Variants in P2RX4 observed in about 807,000 individuals in gnomAD.
P2RX4 encodes the protein P2X purinoceptor 4.
In P2RX4, 37 loss-of-function variants were observed where a neutral mutation model predicts 48.0. The observed-to-expected ratio is 0.77, with a 90% CI of 0.59 to 1.01. P2RX4 has a LOEUF of 1.01. P2RX4 is among the 50% of genes least tolerant of loss of function. The probability of loss-of-function intolerance (pLI) is 0.00; values close to 1 mark genes in which losing one functional copy is unlikely to be tolerated. For missense variants in P2RX4, 501 were observed against 521.4 expected (o/e 0.96, Z 0.38); for synonymous variants, 200 against 199.7 (o/e 1.00, Z -0.01).
Position 121,222,956 on chromosome 12 carries a change from C to T in P2RX4, c.437C>T (p.Thr146Ile). 2.5e-6 allele frequency: 4 copies of T among 1,611,956 alleles called. No homozygotes were observed. Among genetic ancestry groups the T allele is most frequent in the East Asian group, 2.2e-5 (1 of 44,876 alleles). The stretch of plus-strand genomic sequence containing the variant: ...ACCCTTGTGCTTGTAGGAGTCTCAA[C>T]AGGCAGGTGCGTAGCTTTCAACGGG... ...SAGTHSNGVS[T>I]GRCVAFNGSV... The change falls in exon 5 of 12, where the codon ACA becomes ATA. Residue 146 changes from threonine to isoleucine, a missense_variant. Thr to Ile is a moderately conservative substitution (Grantham distance 89). This residue lies in a region of P2RX4 where 295 missense variants were observed against 275.3 expected (regional missense o/e 1.07). Coordinates refer to ENST00000337233, the MANE Select transcript of P2RX4 (RefSeq NM_002560.3).
intron 1 of P2RX4, chr12:121,213,219 G>A (rs1886004563): frequency 6.6e-6 from 1 of 152,144 alleles, no homozygotes; most frequent in Non-Finnish European, 1.5e-5. Flanking sequence ...TTGAGCTCAA[G>A]AGTTTGAGAC....
At chr12:121,223,758 C>T (rs1886801524) in intron 5 of P2RX4, among the ~76,000 whole-genome samples, 1 of 152,188 alleles carries the variant, frequency 6.6e-6, no homozygotes, top group Non-Finnish European at 1.5e-5. Context: ...TCCAGCGTGG[C>T]CAGGAGAATC....
chr12:121,212,110 ATTGTTTAAAAGTAACAGATCCCCCCGTC>A (rs1326166509), intron 1 of P2RX4, among the ~76,000 whole-genome samples: 9 of 152,350 alleles, frequency 5.9e-5, no homozygotes. Context: ...CATCTGAGGA[ATTGTTTAAAAGTAACAGATCCCCCCGTC>A]TTTGGGGTGA....
At chr12:121,225,714 A>G (rs1325011542) in intron 5 of P2RX4, among the ~76,000 whole-genome samples, 1 of 152,014 alleles carries the variant, frequency 6.6e-6, no homozygotes, top group Non-Finnish European at 1.5e-5. Context: ...CCCGGCCCTG[A>G]ATATTTATTA....
intron 2 of P2RX4, among the ~76,000 whole-genome samples, chr12:121,219,611 G>A (rs531075201): frequency 3.3e-5 from 4 of 122,856 alleles, no homozygotes; most frequent in African/African-American, 1.2e-4. Flanking sequence ...ATGGATGGAT[G>A]GATGGATAGA....
At chr12:121,223,423 C>A in intron 5 of P2RX4, 1 of 298,110 alleles carries the variant, frequency 3.4e-6, no homozygotes. Context: ...TGCGTGTCAG[C>A]CTTGAACAGA....
chr12:121,219,698 AAG>A (rs1438260528), intron 2 of P2RX4, among the ~76,000 whole-genome samples: 1 of 152,032 alleles, frequency 6.6e-6, no homozygotes, highest in Non-Finnish European at 1.5e-5. Context: ...GGATAGGAGA[AAG>A]AAAGGGAAAG....
chr12:121,224,730 G>A (rs1056577300), intron 5 of P2RX4, among the ~76,000 whole-genome samples: 11 of 151,908 alleles, frequency 7.2e-5, no homozygotes, highest in Admixed American at 1.3e-4. Context: ...GGTGGAGTCC[G>A]GGCAGCGCTC....
At position 121,210,225 on chromosome 12, in the gene P2RX4, G is replaced by A. The variant is rs1028982917; in HGVS notation, c.61G>A (p.Val21Met). The change falls in exon 1 of 12, where the codon GTG (valine) becomes ATG (methionine). Residue 21 changes from valine (V) to methionine (M), a missense_variant. Around this residue, in one of 3 missense-constraint regions of P2RX4, gnomAD observed 295 missense variants for 275.3 expected, o/e 1.07. Transcript: ENST00000337233. ...GTTCGAGTACGACACGCCGCGCATCGTGCTCATCCGCAGCCGCAAAGTGGG... is the reference window on the plus strand; with the variant it reads ...GTTCGAGTACGACACGCCGCGCATCATGCTCATCCGCAGCCGCAAAGTGGG... ...FLFEYDTPRI[V>M]LIRSRKVGLM... is the part of the protein sequence containing the mutation. 2 of 1,562,060 alleles carry A rather than the reference G, an allele frequency of 1.3e-6. No individual in the cohort carries two copies. The highest frequency in any genetic ancestry group is 1.7e-6 in the Non-Finnish European group (2 of 1,158,670).
chr12:121,224,990 G>A (rs185656689), intron 5 of P2RX4, among the ~76,000 whole-genome samples: 18 of 152,296 alleles, frequency 1.2e-4, no homozygotes, highest in Non-Finnish European at 2.1e-4. Flanking sequence ...CTCTGGCCAC[G>A]CGTGGCTATT....
At chr12:121,226,368 A>AC (rs903260846) in intron 5 of P2RX4, among the ~76,000 whole-genome samples, 50 of 151,734 alleles carry the variant, frequency 3.3e-4, no homozygotes, top group African/African-American at 1.2e-3. Flanking sequence ...ACATGGTGAA[A>AC]CCCCCTCTCT....
intron 5 of P2RX4, among the ~76,000 whole-genome samples, chr12:121,225,356 G>C (rs1318285339): frequency 2.0e-5 from 3 of 151,628 alleles, no homozygotes; most frequent in African/African-American, 4.8e-5. Context: ...TTATAGGTGT[G>C]AGCCACTGCA....
intron 1 of P2RX4, chr12:121,216,478 T>A (rs1472456130): frequency 5.5e-6 from 1 of 180,848 alleles, no homozygotes; most frequent in East Asian, 1.4e-4. Flanking sequence ...GTGGTAACTG[T>A]TATAATTTGT....
rs1405690756 is a variant in P2RX4, at chr12:121,210,282, C to T, written c.118C>T (p.Leu40=). Residue 40 remains leucine (L), a synonymous_variant, in exon 1 of 12, where the codon CTG becomes TTG. Coordinates refer to ENST00000337233, the MANE Select transcript of P2RX4 (RefSeq NM_002560.3). The part of the protein sequence containing the change: ...LMNRAVQLLI[L]AYVIGWVFVW... ...GAACCGCGCCGTGCAACTGCTCATC[C>T]TGGCCTACGTCATCGGGTGAGCGTG... The T allele has an allele frequency of 7.1e-6, 11 of 1,552,268 alleles. No homozygotes were observed. Among genetic ancestry groups the T allele is most frequent in the Non-Finnish European group, 9.5e-6 (11 of 1,154,110 alleles).
intron 8 of P2RX4, among the ~76,000 whole-genome samples, chr12:121,230,936 GTA>G (rs10700307): frequency 1.3e-4 from 19 of 146,264 alleles, no homozygotes; most frequent in South Asian, 4.3e-4. Flanking sequence ...GTATATATGT[GTA>G]TATATATATA....
At chr12:121,214,738 G>A (rs10774588) in intron 1 of P2RX4, 22,064 of 152,258 alleles carry the variant, frequency 0.14, 1,795 homozygotes, top group East Asian at 0.23. Flanking sequence ...AATGAACTTG[G>A]AGACTGCTCG....
In P2RX4 at chr12:121,210,263, C is replaced by T. The variant is rs747163829; in HGVS notation, c.99C>T (p.Arg33=). 2 of 1,558,122 alleles carry T rather than the reference C, an allele frequency of 1.3e-6. No individual in the cohort carries two copies. The highest frequency in any genetic ancestry group is 1.7e-6 in the Non-Finnish European group (2 of 1,156,746). Residue 33 remains arginine (R), a synonymous_variant, in exon 1 of 12, where the codon CGC becomes CGT. Transcript: ENST00000337233. ...GCCGCAAAGTGGGGCTCATGAACCG[C>T]GCCGTGCAACTGCTCATCCTGGCCT... ...IRSRKVGLMN[R]AVQLLILAYV...
chr12:121,212,374 TCAAGACCAGCCTGGACA>T (rs113612302), intron 1 of P2RX4, among the ~76,000 whole-genome samples: 53,189 of 151,214 alleles, frequency 0.35, 9,620 homozygotes, highest in South Asian at 0.4. Flanking sequence ...GGCCAGGAGC[TCAAGACCAGCCTGGACA>T]CAAGACCAGC....
At chr12:121,213,633 A>G (rs777441806) in intron 1 of P2RX4, 4 of 152,056 alleles carry the variant, frequency 2.6e-5, no homozygotes, top group Non-Finnish European at 5.9e-5. Flanking sequence ...GGCTCAAGTG[A>G]TTCTACCATC....
Sources: allele counts gnomAD v4.1 joint callset (sites outside exome capture counted in the v4.1 genomes callset), GRCh38; gene constraint gnomAD v4.1.1; regional missense constraint gnomAD v4.1.1; transcripts MANE v1.5; gene names NCBI Gene and HGNC (gene_info 2026-07-23, HGNC 2026-07-21).